The following FER variants were observed in gnomAD, a reference collection of about 807,000 sequenced individuals.
The protein encoded by FER is FER tyrosine kinase, also known as tyrosine-protein kinase Fer.
In FER, 63 loss-of-function variants were observed where a neutral mutation model predicts 111.0. The observed-to-expected ratio is 0.57, with a 90% CI of 0.46 to 0.70. The LOEUF (loss-of-function observed/expected upper bound fraction) is 0.70. FER is among the 30% of genes least tolerant of loss of function. The pLI is 0.00. For synonymous variants in FER, 327 were observed against 313.9 expected (o/e 1.04, Z -0.44); for missense variants, 914 against 954.0 (o/e 0.96, Z 0.55).
intron 16 of FER, among the ~76,000 whole-genome samples, chr5:109,089,347 C>G (rs758857924): frequency 2.0e-5 from 3 of 152,284 alleles, no homozygotes; most frequent in South Asian, 2.1e-4. Context: ...TTTTTTGAAG[C>G]ATTGTAAACA....
At chr5:109,043,604 C>G (rs1239000342) in intron 14 of FER, among the ~76,000 whole-genome samples, 1 of 152,126 alleles carries the variant, frequency 6.6e-6, no homozygotes, top group African/African-American at 2.4e-5. Flanking sequence ...TCTTAGTGCT[C>G]TAAAACTCAG....
intron 3 of FER, among the ~76,000 whole-genome samples, chr5:108,821,806 G>A (rs1388779188): frequency 6.6e-6 from 1 of 151,948 alleles, no homozygotes; most frequent in Non-Finnish European, 1.5e-5. Context: ...CCACAATCAA[G>A]TTAATTAACT....
intron 13 of FER, among the ~76,000 whole-genome samples, chr5:108,973,507 T>C (rs952024258): frequency 6.6e-6 from 1 of 152,122 alleles, no homozygotes; most frequent in Non-Finnish European, 1.5e-5. Context: ...TTTTTTGTTA[T>C]TTATGTAACA....
At position 109,180,889 on chromosome 5, in the gene FER, G is replaced by A. The variant is rs1376679897; in HGVS notation, c.2191G>A (p.Ala731Thr). Reference protein sequence around the residue: ...QIPIKWTAPEALNYGRYSSES... With the variant: ...QIPIKWTAPETLNYGRYSSES... ...TCCCATTAAATGGACAGCACCGGAA[G>A]CTCTTAATTATGGTAAGAATAGACC... is the stretch of plus-strand genomic sequence containing the variant. The change falls in exon 18 of 20, where the codon GCT becomes ACT. Residue 731 changes from alanine (A) to threonine (T), a missense_variant. Ala to Thr is a moderately conservative substitution (Grantham distance 58). Coordinates refer to ENST00000281092, the MANE Select transcript of FER (RefSeq NM_005246.4). The A allele has an allele frequency of 1.9e-6, 3 of 1,608,288 alleles. No homozygotes were observed. The highest frequency in any genetic ancestry group is 1.3e-5 in the African/African-American group (1 of 74,496).
chr5:109,100,692 C>T (rs1216256837), intron 17 of FER, among the ~76,000 whole-genome samples, 173 bp downstream of exon 17: 1 of 151,742 alleles, frequency 6.6e-6, no homozygotes, highest in Non-Finnish European at 1.5e-5. Flanking sequence ...TACAAACACT[C>T]CTTTTTCCTC....
intron 13 of FER, among the ~76,000 whole-genome samples, chr5:109,017,867 G>A (rs1218001016): frequency 1.3e-5 from 2 of 151,862 alleles, no homozygotes; most frequent in Admixed American, 6.6e-5. Context: ...GCATTGTAGA[G>A]AGTCACTACC....
chr5:108,880,954 A>G (rs758970060), intron 8 of FER, among the ~76,000 whole-genome samples: 1 of 152,022 alleles, frequency 6.6e-6, no homozygotes, highest in Non-Finnish European at 1.5e-5. Flanking sequence ...TCTTATTTCT[A>G]TTACCTATTA....
intron 1 of FER, among the ~76,000 whole-genome samples, chr5:108,749,560 G>A (rs1345043490): frequency 1.3e-5 from 2 of 152,186 alleles, no homozygotes; most frequent in Admixed American, 6.5e-5. Context: ...GAGCCCCGCA[G>A]TCTCCCTTGA....
intron 8 of FER, among the ~76,000 whole-genome samples, chr5:108,881,269 A>G (rs915706476): frequency 6.6e-6 from 1 of 152,178 alleles, no homozygotes; most frequent in African/African-American, 2.4e-5. Context: ...ACAGTTCCCC[A>G]TAGCTTGGGA....
At chr5:108,918,073 C>T (rs1752495135) in intron 10 of FER, among the ~76,000 whole-genome samples, 4 of 152,116 alleles carry the variant, frequency 2.6e-5, no homozygotes, top group Admixed American at 2.6e-4. Flanking sequence ...GACTATAGTT[C>T]ATAGGATGTA....
chr5:109,121,408 A>G (rs1218998491), intron 17 of FER, among the ~76,000 whole-genome samples: 1 of 152,064 alleles, frequency 6.6e-6, no homozygotes, highest in Non-Finnish European at 1.5e-5. Flanking sequence ...ATCGAGTTGC[A>G]TGTATGTTGG....
chr5:109,119,860 C>T (rs543733647), intron 17 of FER, among the ~76,000 whole-genome samples: 1 of 152,042 alleles, frequency 6.6e-6, no homozygotes, highest in Non-Finnish European at 1.5e-5. Flanking sequence ...ATTTGCATTT[C>T]TCTGATGGTC....
intron 13 of FER, among the ~76,000 whole-genome samples, chr5:109,002,496 G>A (rs890583397): frequency 1.8e-4 from 27 of 151,662 alleles, no homozygotes; most frequent in Non-Finnish European, 2.7e-4. Context: ...AGACTTAAAC[G>A]TTAGACCTAA....
rs1011800968 is a variant in FER at position 108,910,621 on chromosome 5, C to A, written c.1236+12773C>A. ...ATTGTACCACATAGGTAATTTTCAA[C>A]CCCCTCCGCTTCTCCCACTTCGCCC... On this transcript the variant is annotated intron_variant, in intron 10 of 19. Coordinates refer to ENST00000281092, the MANE Select transcript of FER (RefSeq NM_005246.4). Among the ~76,000 whole-genome samples, 14 of 151,958 alleles carry A rather than the reference C, an allele frequency of 9.2e-5. No individual in the cohort carries two copies. In the East Asian group the frequency reaches 2.7e-3, roughly 29 times the overall value.
At chr5:108,792,391 G>T (rs1345620875) in intron 2 of FER, among the ~76,000 whole-genome samples, 3 of 152,170 alleles carry the variant, frequency 2.0e-5, no homozygotes, top group Non-Finnish European at 4.4e-5. Context: ...CCAGGCTGGA[G>T]TGCAGTGGGC....
At chr5:109,183,480 C>T (rs1397616992) in intron 18 of FER, among the ~76,000 whole-genome samples, 2 of 152,118 alleles carry the variant, frequency 1.3e-5, no homozygotes, top group Non-Finnish European at 2.9e-5. Flanking sequence ...AACTCCTGAC[C>T]TCTGGTGATC....
chr5:109,011,427 T>A (rs1766252644), intron 13 of FER, among the ~76,000 whole-genome samples: 1 of 152,244 alleles, frequency 6.6e-6, no homozygotes, highest in Non-Finnish European at 1.5e-5. Flanking sequence ...TTCAGTACAT[T>A]AACTGGAATT....
At chr5:109,174,056 A>G (rs1757432136) in intron 17 of FER, among the ~76,000 whole-genome samples, 2 of 152,206 alleles carry the variant, frequency 1.3e-5, no homozygotes, top group Non-Finnish European at 2.9e-5. Flanking sequence ...ACACGCTTCC[A>G]TAATGGTACT....
intron 5 of FER, among the ~76,000 whole-genome samples, chr5:108,867,161 G>A (rs920307832): frequency 5.3e-5 from 8 of 151,974 alleles, no homozygotes; most frequent in African/African-American, 1.4e-4. Flanking sequence ...GGACTGTTTT[G>A]CCAAATACTG....
Sources: gnomAD v4.1 joint callset for allele counts (sites outside exome capture counted in the v4.1 genomes callset) on GRCh38, gnomAD v4.1.1 for gene constraint, MANE v1.5 for transcripts, NCBI Gene and HGNC (gene_info 2026-07-23, HGNC 2026-07-21) for gene names.